Variants in FBN1 observed in about 807,000 individuals in gnomAD.
FBN1 encodes the protein fibrillin-1.
A neutral mutation model predicts 365.1 loss-of-function variants in FBN1; 29 were observed. That is an observed-to-expected ratio of 0.08 (90% CI 0.06 to 0.11). The LOEUF is 0.11. Among genes scored for constraint, FBN1 ranks in the 10% least tolerant of loss-of-function variants. The pLI is 1.00. For synonymous variants in FBN1, 1,210 were observed against 1,270.5 expected (o/e 0.95, Z 1.01); for missense variants, 2,476 against 3,703.2 (o/e 0.67, Z 8.60).
intron 6 of FBN1, among the ~76,000 whole-genome samples, chr15:48,589,612 T>C (rs1027551209): frequency 6.4e-4 from 87 of 136,538 alleles, no homozygotes; most frequent in Non-Finnish European, 9.0e-4. Context: ...TTACTTTCTT[T>C]TTTTTTTTTT....
chr15:48,633,542 C>T (rs910844891), intron 2 of FBN1, among the ~76,000 whole-genome samples: 2 of 152,182 alleles, frequency 1.3e-5, no homozygotes, highest in African/African-American at 4.8e-5. Flanking sequence ...CTGATACCCT[C>T]ATTGACAACT....
At chr15:48,516,912 A>G (rs1188753723) in intron 10 of FBN1, among the ~76,000 whole-genome samples, 1 of 152,198 alleles carries the variant, frequency 6.6e-6, no homozygotes, top group East Asian at 1.9e-4. Flanking sequence ...TGAATCGGAC[A>G]GAAGTGGACA....
Position 48,434,679 on chromosome 15 carries a change from T to C in FBN1, c.6531A>G (p.Gly2177=). Residue 2177 remains glycine (G), a synonymous_variant, in exon 54 of 66, where the codon GGA becomes GGG. Coordinates refer to ENST00000316623, the MANE Select transcript of FBN1 (RefSeq NM_000138.5). ...TDECSVGNPC[G]NGTCKNVIGG... ...CAATCACATTCTTGCAGGTTCCATT[T>C]CCACAAGGATTGCCAACAGAACATT... The C allele has an allele frequency of 6.2e-7, 1 of 1,613,790 alleles. No individual in the cohort carries two copies.
At chr15:48,624,169 C>T (rs565308454) in intron 2 of FBN1, among the ~76,000 whole-genome samples, 1 of 152,248 alleles carries the variant, frequency 6.6e-6, no homozygotes, top group South Asian at 2.1e-4. Flanking sequence ...ATGCACTCTA[C>T]AGGAAACTAG....
chr15:48,454,315 C>A (rs1334771991), intron 44 of FBN1, among the ~76,000 whole-genome samples: 1 of 152,106 alleles, frequency 6.6e-6, no homozygotes, highest in African/African-American at 2.4e-5. Flanking sequence ...ATCAAGAAAA[C>A]CTAACATGGG....
intron 10 of FBN1, among the ~76,000 whole-genome samples, chr15:48,517,744 C>T (rs1023815723): frequency 2.0e-5 from 3 of 151,760 alleles, no homozygotes; most frequent in Admixed American, 1.3e-4. Flanking sequence ...CATTTTTTTC[C>T]TCTTTTGCTA....
intron 6 of FBN1, among the ~76,000 whole-genome samples, chr15:48,567,998 T>TAAGGAAGAAAGA (rs1555403245): frequency 7.1e-5 from 4 of 56,534 alleles, no homozygotes; most frequent in African/African-American, 4.1e-4. Context: ...AGTATACAGA[T>TAAGGAAGAAAGA]AAGAAAGAAA....
intron 20 of FBN1, 38 bp from the exon 21 acceptor site, chr15:48,495,626 A>G (rs779183306): frequency 6.2e-6 from 10 of 1,613,750 alleles, no homozygotes; most frequent in Non-Finnish European, 8.5e-6. Flanking sequence ...GCTAAAATCT[A>G]GTCTTGGGCC....
chr15:48,554,173 G>A (rs572890170), intron 6 of FBN1, among the ~76,000 whole-genome samples: 34 of 152,248 alleles, frequency 2.2e-4, no homozygotes, highest in African/African-American at 6.7e-4. Context: ...AACACAGAGC[G>A]GCAAAGTTAT....
Position 48,613,105 on chromosome 15 carries a change from C to T in FBN1, c.165-13G>A, listed in dbSNP as rs985235880. The T allele has an allele frequency of 4.4e-6, 7 of 1,586,090 alleles. No homozygotes were observed. The highest frequency in any genetic ancestry group is 1.7e-5 in the Admixed American group (1 of 59,958). ...ACAGACATTGGGTCTAAAACAAAAA[C>T]AGAAGAATTCCATACTTTAAAAAAA... is the stretch of plus-strand genomic sequence containing the variant. On this transcript the variant is annotated splice_polypyrimidine_tract_variant and intron_variant, in intron 2 of 65. Transcript: ENST00000316623.
At position 48,456,673 on chromosome 15, in the gene FBN1, C is replaced by T. The variant is rs746907055; in HGVS notation, c.5386G>A (p.Gly1796Arg). The change falls in exon 44 of 66, where the codon GGA (glycine) becomes AGA (arginine). Residue 1796 changes from glycine (G) to arginine (R), a missense_variant. Physicochemically the swap from Gly to Arg is moderately radical, Grantham distance 125. Transcript: ENST00000316623. ...AACAACTTGTCATTATAGAAGAATC[C>T]CACTGGACATTCACATCGGAAGCTG... Reference protein sequence around the residue: ...VGSFRCECPVGFFYNDKLLVC... With the variant: ...VGSFRCECPVRFFYNDKLLVC... The T allele has an allele frequency of 6.2e-7, 1 of 1,613,888 alleles. No individual in the cohort carries two copies. The highest frequency in any genetic ancestry group is 8.5e-7 in the Non-Finnish European group (1 of 1,179,890).
At chr15:48,626,372 C>T (rs927397753) in intron 2 of FBN1, among the ~76,000 whole-genome samples, 1 of 152,132 alleles carries the variant, frequency 6.6e-6, no homozygotes, top group South Asian at 2.1e-4. Context: ...ACAACAATTA[C>T]CCATAAGTGG....
intron 17 of FBN1, 120 bp downstream of exon 17, chr15:48,503,667 G>A: frequency 7.6e-7 from 1 of 1,321,606 alleles, no homozygotes; most frequent in Non-Finnish European, 1.1e-6. Context: ...AAGACCCCAA[G>A]AAGGCACATG....
chr15:48,452,764 T>G, intron 44 of FBN1, 80 bp from the exon 45 acceptor site: 1 of 1,462,954 alleles, frequency 6.8e-7, no homozygotes. Context: ...TGAAAACAAA[T>G]TTATATTTTA....
chr15:48,557,681 G>C (rs2044191823), intron 6 of FBN1, among the ~76,000 whole-genome samples: 1 of 152,136 alleles, frequency 6.6e-6, no homozygotes, highest in African/African-American at 2.4e-5. Context: ...GAAGGGAAGA[G>C]AAAACGATGA....
chr15:48,551,744 C>T (rs1005625852), intron 6 of FBN1, among the ~76,000 whole-genome samples: 2 of 152,140 alleles, frequency 1.3e-5, no homozygotes, highest in African/African-American at 4.8e-5. Context: ...TCATTTAGTT[C>T]CCACTTATAA....
At chr15:48,495,001 G>T in intron 22 of FBN1, 122 bp downstream of exon 22, 2 of 1,108,846 alleles carry the variant, frequency 1.8e-6, no homozygotes, top group Non-Finnish European at 2.7e-6. Context: ...TATGTTCGGG[G>T]CCATCAGGAT....
intron 6 of FBN1, among the ~76,000 whole-genome samples, chr15:48,552,211 G>T (rs76534590): frequency 2.6e-5 from 4 of 151,218 alleles, no homozygotes; most frequent in East Asian, 1.9e-4. Flanking sequence ...GTGTTAGATG[G>T]TATCTCATTG....
At chr15:48,431,591 A>G (rs1299739528) in intron 55 of FBN1, among the ~76,000 whole-genome samples, 1 of 152,052 alleles carries the variant, frequency 6.6e-6, no homozygotes, top group Admixed American at 6.6e-5. Context: ...AATGGATTGT[A>G]AGAGTAACAA....
Sources: gnomAD v4.1 joint callset for allele counts (sites outside exome capture counted in the v4.1 genomes callset) on GRCh38, gnomAD v4.1.1 for gene constraint, MANE v1.5 for transcripts, NCBI Gene and HGNC (gene_info 2026-07-23, HGNC 2026-07-21) for gene names.